PLA2G2C: variants seen among roughly 807,000 people sequenced by gnomAD.
PLA2G2C encodes phospholipase A2 group IIC, also known as putative inactive group IIC secretory phospholipase A2.
PLA2G2C carries 15 observed loss-of-function variants against 14.3 expected under a neutral mutation model. The ratio of observed to expected loss-of-function variants is 1.05; its 90% CI spans 0.70 to 1.62. The LOEUF is 1.62. Ranked by LOEUF, PLA2G2C falls within the 40% of genes most tolerant of loss-of-function variation. PLA2G2C has a pLI of 0.00. For missense variants in PLA2G2C, 162 were observed against 173.2 expected (o/e 0.94, Z 0.36); for synonymous variants, 79 against 67.7 (o/e 1.17, Z -0.82).
intron 4 of PLA2G2C, among the ~76,000 whole-genome samples, chr1:20,164,826 T>A (rs2017949030): frequency 6.6e-6 from 1 of 152,228 alleles, no homozygotes; most frequent in Admixed American, 6.5e-5. Flanking sequence ...TGCCAGCGGG[T>A]CCCGCTAATC....
chr1:20,177,580 T>C (rs985370021), intron 1 of PLA2G2C, among the ~76,000 whole-genome samples, 141 bp from the exon 2 acceptor site: 2 of 152,178 alleles, frequency 1.3e-5, no homozygotes, highest in African/African-American at 2.4e-5. Flanking sequence ...GTAACCTTTC[T>C]GGCATTTAGA....
chr1:20,173,897 G>A (rs1290115128), intron 3 of PLA2G2C, among the ~76,000 whole-genome samples: 1 of 152,162 alleles, frequency 6.6e-6, no homozygotes, highest in Non-Finnish European at 1.5e-5. Context: ...CTTTGACAGG[G>A]GAGGCACAGA....
chr1:20,180,217 T>C (rs1028764228), intron 1 of PLA2G2C, among the ~76,000 whole-genome samples: 6 of 152,174 alleles, frequency 3.9e-5, no homozygotes, highest in Admixed American at 1.3e-4. Flanking sequence ...AACATACTTT[T>C]TTTGCATCAG....
chr1:20,185,932 A>G (rs1045691605), intron 1 of PLA2G2C, among the ~76,000 whole-genome samples: 2 of 152,288 alleles, frequency 1.3e-5, no homozygotes, highest in East Asian at 1.9e-4. Context: ...AGGCCAGGCA[A>G]TCCACTCCAG....
chr1:20,166,014 C>T (rs1350897072), intron 4 of PLA2G2C, among the ~76,000 whole-genome samples: 3 of 152,216 alleles, frequency 2.0e-5, no homozygotes, highest in African/African-American at 7.2e-5. Flanking sequence ...TTCAGAAACA[C>T]ATGACACTGT....
At chr1:20,164,780 C>T (rs768412213) in intron 4 of PLA2G2C, among the ~76,000 whole-genome samples, 10 of 152,252 alleles carry the variant, frequency 6.6e-5, no homozygotes, top group Non-Finnish European at 1.2e-4. Flanking sequence ...GAGCCGACCT[C>T]GCTGCCCCCG....
At chr1:20,170,187 C>T (rs2018046631) in intron 4 of PLA2G2C, among the ~76,000 whole-genome samples, 3 of 152,244 alleles carry the variant, frequency 2.0e-5, no homozygotes, top group Non-Finnish European at 1.5e-5. Flanking sequence ...GAGGCTCATA[C>T]ACTATAGCTG....
intron 1 of PLA2G2C, among the ~76,000 whole-genome samples, chr1:20,177,796 C>T (rs2018212336): frequency 6.6e-6 from 1 of 152,160 alleles, no homozygotes; most frequent in Non-Finnish European, 1.5e-5. Flanking sequence ...GAATTCCTAG[C>T]TTGGTTTGCA....
chr1:20,171,175 C>G (rs1250455257), intron 4 of PLA2G2C, among the ~76,000 whole-genome samples: 1 of 97,076 alleles, frequency 1.0e-5, no homozygotes, highest in Non-Finnish European at 2.2e-5. Flanking sequence ...TGGAGGCCAC[C>G]TTCTCCAGTC....
At chr1:20,164,217 G>A (rs974908540) in intron 4 of PLA2G2C, 60 bp from the exon 5 acceptor site, 16 of 1,532,394 alleles carry the variant, frequency 1.0e-5, no homozygotes, top group Non-Finnish European at 1.4e-5. Flanking sequence ...TTGGTTCTAA[G>A]GCTGGGGAGA....
intron 4 of PLA2G2C, among the ~76,000 whole-genome samples, chr1:20,169,653 G>A (rs2018036702): frequency 6.6e-6 from 1 of 152,230 alleles, no homozygotes; most frequent in African/African-American, 2.4e-5. Flanking sequence ...GGGCATTAAT[G>A]AAGCACCTAC....
chr1:20,163,781 T>C lies in PLA2G2C; in HGVS notation c.*210A>G. Reference sequence around the variant, plus strand: ...CAGCTCCTGCAGGGCAGGCATCTCATCTTTCCCATTTCTGCTCTCCAGCCC... The same window carrying C: ...CAGCTCCTGCAGGGCAGGCATCTCACCTTTCCCATTTCTGCTCTCCAGCCC... On this transcript the variant is annotated 3_prime_UTR_variant, in exon 5 of 5. Coordinates refer to ENST00000679259, the MANE Select transcript of PLA2G2C (RefSeq NM_001367969.2). The C allele has an allele frequency of 1.7e-6, 1 of 572,288 alleles. No homozygotes were observed. Among genetic ancestry groups the C allele is most frequent in the Non-Finnish European group, 3.0e-6 (1 of 329,998 alleles). 35.5% of individuals were successfully genotyped at this position (572,288 alleles called of 1,614,324 possible). A position where few individuals can be genotyped will look rare whatever the true frequency, so the allele number is the denominator to read the frequency against.
In PLA2G2C at chr1:20,163,458, T is replaced by C. The variant is rs2017903688; in HGVS notation, c.*533A>G. 1 of 152,408 alleles carries C rather than the reference T, an allele frequency of 6.6e-6. No individual in the cohort carries two copies. The highest frequency in any genetic ancestry group is 2.1e-4 in the South Asian group (1 of 4,826). 9.4% of individuals were successfully genotyped at this position (152,408 alleles called of 1,614,324 possible). A position where few individuals can be genotyped will look rare whatever the true frequency, so the allele number is the denominator to read the frequency against. On this transcript the variant is annotated 3_prime_UTR_variant, in exon 5 of 5. Transcript: ENST00000679259. The stretch of plus-strand genomic sequence containing the variant: ...GCCTCTTGATAAGAAAAGCTAAGAA[T>C]GACATCATAAAAACTGAGGACGCAG...
At position 20,163,702 on chromosome 1, in the gene PLA2G2C, T is replaced by G. The variant is rs921072461; in HGVS notation, c.*289A>C. 1.1e-5 allele frequency: 4 copies of G among 350,258 alleles called. No homozygotes were observed. The highest frequency in any genetic ancestry group is 2.1e-5 in the Non-Finnish European group (4 of 192,386). 21.7% of individuals were successfully genotyped at this position (350,258 alleles called of 1,614,324 possible). ...TCATAGCACTTACTACAGTCTAATGTGTCTCTTACTTCTATATCCATGCAT... is the reference window on the plus strand; with the variant it reads ...TCATAGCACTTACTACAGTCTAATGGGTCTCTTACTTCTATATCCATGCAT... On this transcript the variant is annotated 3_prime_UTR_variant, in exon 5 of 5. Transcript: ENST00000679259.
rs757168446 is a variant in PLA2G2C at position 20,166,377 on chromosome 1, C to A, written c.284-2220G>T. On this transcript the variant is annotated intron_variant, in intron 4 of 4. Coordinates refer to ENST00000679259, the MANE Select transcript of PLA2G2C (RefSeq NM_001367969.2). Reference sequence around the variant, plus strand: ...GGCTCTCCGGTTTTGCGGCTCCCGCCACTCCCACTGTTCTAGCGCCTGGGT... The same window carrying A: ...GGCTCTCCGGTTTTGCGGCTCCCGCAACTCCCACTGTTCTAGCGCCTGGGT... Among the ~76,000 whole-genome samples, 217 of 152,314 alleles carry A rather than the reference C, an allele frequency of 1.4e-3. 1 individual carries two copies. The highest frequency in any genetic ancestry group is 2.3e-3 in the Non-Finnish European group (159 of 68,024).
chr1:20,172,042 C>T (rs1434540186), intron 4 of PLA2G2C, among the ~76,000 whole-genome samples: 1 of 151,938 alleles, frequency 6.6e-6, no homozygotes, highest in African/African-American at 2.4e-5. Context: ...GGATTACAAG[C>T]GTGAGCCACC....
chr1:20,181,775 T>C (rs1045122016), intron 1 of PLA2G2C, among the ~76,000 whole-genome samples: 1 of 152,152 alleles, frequency 6.6e-6, no homozygotes, highest in African/African-American at 2.4e-5. Context: ...TGGGTCACTG[T>C]GTGCTGGGGC....
In PLA2G2C at chr1:20,180,138, C is replaced by G. The variant is rs80279948; in HGVS notation, c.-76-2699G>C. 5.6e-3 allele frequency among the ~76,000 whole-genome samples: 856 copies of G among 152,306 alleles called. 8 individuals are homozygous for G. Among genetic ancestry groups the G allele is most frequent in the African/African-American group, 0.02 (821 of 41,550 alleles). On this transcript the variant is annotated intron_variant, in intron 1 of 4. Coordinates refer to ENST00000679259, the MANE Select transcript of PLA2G2C (RefSeq NM_001367969.2). Reference sequence around the variant, plus strand: ...CTATGTCAGCTTCTCCCTTGCATGTCAGCTTCTCCCTCTCCCCATTCTTCC... The same window carrying G: ...CTATGTCAGCTTCTCCCTTGCATGTGAGCTTCTCCCTCTCCCCATTCTTCC...
chr1:20,186,061 G>C (rs1409729365), intron 1 of PLA2G2C: 1 of 149,856 alleles, frequency 6.7e-6, no homozygotes, highest in Non-Finnish European at 1.5e-5. Context: ...GAAGCACGTG[G>C]CCCCCCACCC....
Sources: gnomAD v4.1 joint callset for allele counts (sites outside exome capture counted in the v4.1 genomes callset) on GRCh38, gnomAD v4.1.1 for gene constraint, MANE v1.5 for transcripts, NCBI Gene and HGNC (gene_info 2026-07-23, HGNC 2026-07-21) for gene names.